LHFPL3: variants seen among roughly 807,000 people sequenced by gnomAD.
LHFPL3 encodes LHFPL tetraspan subfamily member 3.
Under a neutral mutation model 19.3 loss-of-function variants are expected in LHFPL3, and 5 were observed. The observed-to-expected ratio is 0.26, with a 90% CI of 0.14 to 0.54. LHFPL3 has a LOEUF of 0.54. LHFPL3 is among the 20% of genes least tolerant of loss of function. The pLI is 0.94. For missense variants in LHFPL3, 249 were observed against 307.4 expected, an observed-to-expected ratio of 0.81 and a Z score of 1.42; for synonymous variants, 133 against 126.2, an observed-to-expected ratio of 1.05 and a Z score of -0.36.
chr7:104,505,043 G>C (rs1225450766), intron 1 of LHFPL3, among the ~76,000 whole-genome samples: 1 of 152,132 alleles, frequency 6.6e-6, no homozygotes, highest in African/African-American at 2.4e-5. Context: ...ATACTGCTAT[G>C]TATACACATA....
At position 104,875,044 on chromosome 7, in the gene LHFPL3, C is replaced by G. The variant is rs567208766; in HGVS notation, c.683-31143C>G. 1.0e-3 allele frequency among the ~76,000 whole-genome samples: 155 copies of G among 151,686 alleles called. 1 individual carries two copies. The highest frequency in any genetic ancestry group is 9.6e-4 in the Non-Finnish European group (65 of 67,934). ...TTTTTTTTTTAGAGAGATGGGGTCTCACTATTTTGCCCAGGCTGGTCTCGA... is the reference window on the plus strand; with the variant it reads ...TTTTTTTTTTAGAGAGATGGGGTCTGACTATTTTGCCCAGGCTGGTCTCGA... On this transcript the variant is annotated intron_variant, in intron 2 of 2. Coordinates refer to ENST00000424859, the MANE Select transcript of LHFPL3 (RefSeq NM_199000.3).
At chr7:104,632,792 G>A (rs186791978) in intron 1 of LHFPL3, among the ~76,000 whole-genome samples, 8 of 152,240 alleles carry the variant, frequency 5.3e-5, no homozygotes, top group Non-Finnish European at 8.8e-5. Flanking sequence ...GACTACAGGT[G>A]CGCAGCACCA....
intron 1 of LHFPL3, among the ~76,000 whole-genome samples, chr7:104,419,485 G>C (rs1042351530): frequency 3.3e-5 from 5 of 152,168 alleles, no homozygotes; most frequent in African/African-American, 1.2e-4. Context: ...GGAATATAGG[G>C]AGAAGGAAAT....
chr7:104,424,597 T>C (rs1042943683), intron 1 of LHFPL3, among the ~76,000 whole-genome samples: 4 of 152,228 alleles, frequency 2.6e-5, no homozygotes, highest in African/African-American at 9.6e-5. Flanking sequence ...GAGACATTTT[T>C]GGTTGTCACA....
chr7:104,705,401 A>G (rs1793173342), intron 1 of LHFPL3, among the ~76,000 whole-genome samples: 1 of 152,172 alleles, frequency 6.6e-6, no homozygotes, highest in Non-Finnish European at 1.5e-5. Context: ...AACAGCAGCC[A>G]TCATCTTCAG....
At chr7:104,561,893 C>G (rs1302619299) in intron 1 of LHFPL3, among the ~76,000 whole-genome samples, 3 of 152,088 alleles carry the variant, frequency 2.0e-5, no homozygotes, top group Non-Finnish European at 4.4e-5. Flanking sequence ...GACAAAATCT[C>G]TCAGCATTTG....
chr7:104,378,204 A>G (rs1354951846), intron 1 of LHFPL3, among the ~76,000 whole-genome samples: 1 of 152,180 alleles, frequency 6.6e-6, no homozygotes, highest in Non-Finnish European at 1.5e-5. Flanking sequence ...AGCACCCCTA[A>G]CACTTCCCTC....
At chr7:104,840,909 CT>C (rs146167495) in intron 2 of LHFPL3, among the ~76,000 whole-genome samples, 5,760 of 151,892 alleles carry the variant, frequency 0.038, 160 homozygotes, top group Non-Finnish European at 0.06. Flanking sequence ...TAAAGGTTGT[CT>C]TTTTTTTAAT....
chr7:104,717,162 G>A (rs1237867983), intron 1 of LHFPL3, among the ~76,000 whole-genome samples: 1 of 152,008 alleles, frequency 6.6e-6, no homozygotes. Flanking sequence ...AAGTCAAAAT[G>A]GATTAAGGAC....
Position 104,451,479 on chromosome 7 carries a change from G to A in LHFPL3, c.445+122255G>A, listed in dbSNP as rs773621899. ...TTTTGTTGTTCTCTGTTTGTCTTCT[G>A]CAATAGCGTTTTTTGGTTCTAGAAG... On this transcript the variant is annotated intron_variant, in intron 1 of 2. Coordinates refer to ENST00000424859, the MANE Select transcript of LHFPL3 (RefSeq NM_199000.3). 8.5e-4 allele frequency among the ~76,000 whole-genome samples: 129 copies of A among 152,226 alleles called. 2 individuals are homozygous for A. The highest frequency in any genetic ancestry group is 2.5e-4 in the Non-Finnish European group (17 of 68,008).
chr7:104,494,791 G>A (rs1049758666), intron 1 of LHFPL3, among the ~76,000 whole-genome samples: 4 of 152,130 alleles, frequency 2.6e-5, no homozygotes, highest in Non-Finnish European at 5.9e-5. Context: ...GCGACAGATA[G>A]TCCTGGCAGC....
rs544564371 is a variant in LHFPL3, at chr7:104,402,393, G to A, written c.445+73169G>A. ...TATTAGCCAAGGGCTTTTGACGATT[G>A]ATTTTGCTTATGCTGATCTGGTTTC... On this transcript the variant is annotated intron_variant, in intron 1 of 2. Coordinates refer to ENST00000424859, the MANE Select transcript of LHFPL3 (RefSeq NM_199000.3). 9.2e-5 allele frequency among the ~76,000 whole-genome samples: 14 copies of A among 152,324 alleles called. 2 individuals are homozygous for A. In the South Asian group the frequency reaches 2.9e-3, roughly 32 times the overall value.
chr7:104,358,009 T>C (rs957872575), intron 1 of LHFPL3, among the ~76,000 whole-genome samples: 1 of 152,046 alleles, frequency 6.6e-6, no homozygotes, highest in Admixed American at 6.5e-5. Context: ...TGAGGGAAGG[T>C]AATATAAACA....
Position 104,348,268 on chromosome 7 carries a change from C to G in LHFPL3, c.445+19044C>G, listed in dbSNP as rs1286899708. On this transcript the variant is annotated intron_variant, in intron 1 of 2. Coordinates refer to ENST00000424859, the MANE Select transcript of LHFPL3 (RefSeq NM_199000.3). ...GGCGTGGTGGTGCGTGCCTGTAATT[C>G]CAGCTATTGGAGGCTGAGGCAGGAG... Among the ~76,000 whole-genome samples the G allele has an allele frequency of 2.6e-5, 4 of 152,000 alleles. No individual in the cohort carries two copies. In the East Asian group the frequency reaches 7.8e-4, roughly 30 times the overall value.
At chr7:104,396,160 C>A (rs1415315325) in intron 1 of LHFPL3, among the ~76,000 whole-genome samples, 1 of 152,158 alleles carries the variant, frequency 6.6e-6, no homozygotes, top group East Asian at 1.9e-4. Flanking sequence ...GGTTTAGCCA[C>A]ACTAAGAGGG....
rs113372254 is a variant in LHFPL3 at position 104,448,520 on chromosome 7, G to A, written c.445+119296G>A. 7.1e-3 allele frequency among the ~76,000 whole-genome samples: 1,088 copies of A among 152,252 alleles called. 11 individuals carry two copies. Among genetic ancestry groups the A allele is most frequent in the African/African-American group, 0.025 (1,038 of 41,556 alleles). ...ATTTAGCCATTTTCATGAAAAATAC[G>A]TGTTATTTTGTTGATAGCCTGTCAA... is the stretch of plus-strand genomic sequence containing the variant. On this transcript the variant is annotated intron_variant, in intron 1 of 2. Transcript: ENST00000424859.
At chr7:104,845,050 TC>T (rs1267366781) in intron 2 of LHFPL3, among the ~76,000 whole-genome samples, 11 of 152,216 alleles carry the variant, frequency 7.2e-5, no homozygotes, top group Non-Finnish European at 2.9e-5. Context: ...TCTAAGTATT[TC>T]CCATGTGGTC....
chr7:104,635,605 A>G (rs1405853135), intron 1 of LHFPL3, among the ~76,000 whole-genome samples: 1 of 152,192 alleles, frequency 6.6e-6, no homozygotes, highest in Admixed American at 6.6e-5. Context: ...TGAAAGTAGA[A>G]AAAAACATTT....
intron 1 of LHFPL3, among the ~76,000 whole-genome samples, chr7:104,486,587 A>G (rs2115676592): frequency 6.6e-6 from 1 of 152,254 alleles, no homozygotes; most frequent in East Asian, 1.9e-4. Context: ...CAAAGGCCCT[A>G]CCTCCTAATA....
Sources: allele counts gnomAD v4.1 joint callset (sites outside exome capture counted in the v4.1 genomes callset), GRCh38; gene constraint gnomAD v4.1.1; transcripts MANE v1.5; gene names NCBI Gene and HGNC (gene_info 2026-07-23, HGNC 2026-07-21).